The following ECPAS variants were observed in gnomAD, a reference collection of about 807,000 sequenced individuals.
The protein encoded by ECPAS is proteasome adapter and scaffold protein ECM29.
Under a neutral mutation model 255.1 loss-of-function variants are expected in ECPAS, and 70 were observed. The observed-to-expected ratio is 0.27, with a 90% CI of 0.23 to 0.33. The LOEUF (loss-of-function observed/expected upper bound fraction) is 0.33, where lower values mean the gene tolerates loss of function less well. Among genes scored for constraint, ECPAS ranks in the 10% least tolerant of loss-of-function variants. The pLI is 1.00. For synonymous variants in ECPAS, 784 were observed against 775.0 expected (o/e 1.01, Z -0.19); for missense variants, 1,817 against 2,206.4 (o/e 0.82, Z 3.54).
At position 111,375,162 on chromosome 9, in the gene ECPAS, A is replaced by C; in HGVS notation, c.4061T>G (p.Val1354Gly). The C allele has an allele frequency of 6.2e-7, 1 of 1,613,764 alleles. No homozygotes were observed. The highest frequency in any genetic ancestry group is 8.5e-7 in the Non-Finnish European group (1 of 1,179,722). The change falls in exon 38 of 50, where the codon GTT (valine) becomes GGT (glycine). Residue 1354 changes from valine (V) to glycine (G), a missense_variant. Physicochemically the swap from Val to Gly is moderately radical, Grantham distance 109. Transcript: ENST00000684092. ...TCTGATCAGTTCACACAACCTAGGA[A>C]CTAGCTCGCCCAGCACTGACACATC... Reference protein sequence around the residue: ...YLDVSVLGELVPRLCELIRSG... With the variant: ...YLDVSVLGELGPRLCELIRSG...
At chr9:111,480,449 C>T (rs991818496) in intron 1 of ECPAS, among the ~76,000 whole-genome samples, 3 of 151,686 alleles carry the variant, frequency 2.0e-5, no homozygotes, top group Admixed American at 6.6e-5. Context: ...AGGCACGTGC[C>T]GCCACACCAG....
chr9:111,363,040 G>A (rs913176395), intron 49 of ECPAS, among the ~76,000 whole-genome samples: 7 of 152,100 alleles, frequency 4.6e-5, no homozygotes, highest in South Asian at 2.1e-4. Context: ...GAGAGAGAGA[G>A]AAAAAAGAAG....
intron 8 of ECPAS, 142 bp from the exon 9 acceptor site, chr9:111,430,770 G>A (rs889011930): frequency 1.5e-6 from 1 of 669,734 alleles, no homozygotes. Flanking sequence ...CATTGTAGAA[G>A]AGAAGGAAAA....
Position 111,365,183 on chromosome 9 carries a change from A to C in ECPAS, c.5308+1056T>G, listed in dbSNP as rs538523314. Among the ~76,000 whole-genome samples, 5 of 152,246 alleles carry C rather than the reference A, an allele frequency of 3.3e-5. No individual in the cohort carries two copies. In the South Asian group the frequency reaches 6.2e-4, roughly 19 times the overall value. On this transcript the variant is annotated intron_variant, in intron 48 of 49. Transcript: ENST00000684092. ...TTACTTGGGAAACTGAGGCAGGAGAATCACTTAAACCCAGAAGGCAGAGTT... is the reference window on the plus strand; with the variant it reads ...TTACTTGGGAAACTGAGGCAGGAGACTCACTTAAACCCAGAAGGCAGAGTT...
chr9:111,435,335 T>C (rs1233139675), intron 7 of ECPAS, among the ~76,000 whole-genome samples: 2 of 152,190 alleles, frequency 1.3e-5, no homozygotes, highest in South Asian at 4.1e-4. Context: ...ATAGCTTTCA[T>C]CCCTGAAACT....
chr9:111,411,082 C>A lies in ECPAS; in HGVS notation c.2275G>T (p.Ala759Ser). ...TCTGACATTCTCATTTTCTTTTTAG[C>A]CAAATACCTTCCCACCGTGAATCCC... ...ALGFTVGRYLAKKKMRMSEQQ... is the reference protein window; with the variant it reads ...ALGFTVGRYLSKKKMRMSEQQ... The change falls in exon 22 of 50, where the codon GCT becomes TCT. Residue 759 changes from alanine to serine, a missense_variant. Transcript: ENST00000684092. The A allele has an allele frequency of 6.2e-7, 1 of 1,613,790 alleles. No homozygotes were observed. The highest frequency in any genetic ancestry group is 8.5e-7 in the Non-Finnish European group (1 of 1,179,832).
At chr9:111,479,177 C>A (rs1329863071) in intron 1 of ECPAS, among the ~76,000 whole-genome samples, 1 of 152,122 alleles carries the variant, frequency 6.6e-6, no homozygotes, top group Non-Finnish European at 1.5e-5. Flanking sequence ...ATAATACATA[C>A]AAAGCATTTA....
chr9:111,410,304 C>T (rs978155576), intron 22 of ECPAS, 91 bp from the exon 23 acceptor site: 14 of 1,067,674 alleles, frequency 1.3e-5, no homozygotes, highest in Non-Finnish European at 1.7e-5. Flanking sequence ...TTTTTTAAGA[C>T]GGCAAAATAA....
rs773661446 is a variant in ECPAS, at chr9:111,361,779, G to T, written c.*251C>A. The T allele has an allele frequency of 2.2e-5, 7 of 313,912 alleles. No homozygotes were observed. The highest frequency in any genetic ancestry group is 3.5e-5 in the Non-Finnish European group (6 of 172,268). The allele number at this position is 313,912 out of a possible 1,614,324, so 19.4% of individuals were successfully genotyped here. On this transcript the variant is annotated 3_prime_UTR_variant, in exon 50 of 50. Coordinates refer to ENST00000684092, the MANE Select transcript of ECPAS (RefSeq NM_001364929.1). The stretch of plus-strand genomic sequence containing the variant: ...TTGAACTCTTTTAGTAACTATTTCT[G>T]CCAGTTTCCTTTACAACCACCCCTC...
chr9:111,371,616 T>C lies in ECPAS; in HGVS notation c.4737+5A>G. On this transcript the variant is annotated splice_donor_5th_base_variant and intron_variant, in intron 43 of 49. Coordinates refer to ENST00000684092, the MANE Select transcript of ECPAS (RefSeq NM_001364929.1). ...CCTTTAACTGGGTATGAATGGTTCCTTTACCTTTCCTGCCCACGTTCTTCC... is the reference window on the plus strand; with the variant it reads ...CCTTTAACTGGGTATGAATGGTTCCCTTACCTTTCCTGCCCACGTTCTTCC... 6.2e-7 allele frequency: 1 copy of C among 1,612,508 alleles called. No individual in the cohort carries two copies. The highest frequency in any genetic ancestry group is 8.5e-7 in the Non-Finnish European group (1 of 1,178,906).
intron 1 of ECPAS, among the ~76,000 whole-genome samples, chr9:111,477,176 T>C (rs572165571): frequency 1.3e-5 from 2 of 152,062 alleles, no homozygotes; most frequent in Admixed American, 1.3e-4. Flanking sequence ...TGGTGCGTTC[T>C]CAGCTCACTG....
At chr9:111,468,577 T>C (rs927474705) in intron 2 of ECPAS, among the ~76,000 whole-genome samples, 1 of 151,434 alleles carries the variant, frequency 6.6e-6, no homozygotes, top group Non-Finnish European at 1.5e-5. Context: ...CAAGCACTCT[T>C]AAAACAAGGC....
intron 2 of ECPAS, among the ~76,000 whole-genome samples, chr9:111,457,387 G>A (rs991953329): frequency 3.3e-5 from 5 of 152,220 alleles, no homozygotes; most frequent in African/African-American, 9.6e-5. Flanking sequence ...ACTGAAGAGG[G>A]AAAAAATTAT....
At chr9:111,396,274 A>G (rs2098167508) in intron 25 of ECPAS, among the ~76,000 whole-genome samples, 1 of 152,212 alleles carries the variant, frequency 6.6e-6, no homozygotes, top group African/African-American at 2.4e-5. Context: ...TTGAAATCAT[A>G]ATATATAAAA....
At chr9:111,439,606 C>T (rs1483671258) in intron 6 of ECPAS, among the ~76,000 whole-genome samples, 1 of 152,036 alleles carries the variant, frequency 6.6e-6, no homozygotes, top group South Asian at 2.1e-4. Context: ...TTGTTGTTTT[C>T]TTTCTTTCTT....
intron 24 of ECPAS, among the ~76,000 whole-genome samples, chr9:111,402,345 A>G (rs1260410099): frequency 6.6e-6 from 1 of 152,252 alleles, no homozygotes; most frequent in Non-Finnish European, 1.5e-5. Context: ...CTTACAAAAA[A>G]TGCTACAGTT....
At chr9:111,374,866 T>C (rs183469323) in intron 38 of ECPAS, among the ~76,000 whole-genome samples, 6 of 152,316 alleles carry the variant, frequency 3.9e-5, no homozygotes, top group Admixed American at 1.3e-4. Context: ...CCAGAGGGTA[T>C]GTACACGGCA....
intron 32 of ECPAS, 22 bp from the exon 33 acceptor site, chr9:111,385,464 C>A: frequency 7.7e-7 from 1 of 1,291,990 alleles, no homozygotes; most frequent in Non-Finnish European, 1.1e-6. Context: ...AATTTCATTT[C>A]AATATATGAT....
chr9:111,382,158 C>G (rs1386096597), intron 35 of ECPAS, among the ~76,000 whole-genome samples: 1 of 151,658 alleles, frequency 6.6e-6, no homozygotes, highest in Non-Finnish European at 1.5e-5. Flanking sequence ...TCTGGTTGCC[C>G]TGAATCATTA....
Sources: allele counts gnomAD v4.1 joint callset (sites outside exome capture counted in the v4.1 genomes callset), GRCh38; gene constraint gnomAD v4.1.1; transcripts MANE v1.5; gene names NCBI Gene and HGNC (gene_info 2026-07-23, HGNC 2026-07-21).